Variants in ABTB1 observed in about 807,000 individuals in gnomAD.
The protein encoded by ABTB1 is ankyrin repeat and BTB/POZ domain-containing protein 1.
Under a neutral mutation model 57.1 loss-of-function variants are expected in ABTB1, and 45 were observed. The ratio of observed to expected loss-of-function variants is 0.79; its 90% CI spans 0.62 to 1.01. The LOEUF is 1.01. Ranked by LOEUF, ABTB1 falls within the 50% of genes least tolerant of loss-of-function variation. ABTB1 has a pLI of 0.00. For missense variants in ABTB1, 630 were observed against 666.3 expected (o/e 0.95, Z 0.60); for synonymous variants, 302 against 275.4 (o/e 1.10, Z -0.95).
intron 8 of ABTB1, 80 bp from the exon 9 acceptor site, chr3:127,677,385 C>A: frequency 6.4e-7 from 1 of 1,570,932 alleles, no homozygotes; most frequent in Non-Finnish European, 8.7e-7. Flanking sequence ...GGTCCTGGAC[C>A]AGTTACTTCC....
Position 127,674,581 on chromosome 3 carries a change from A to T in ABTB1, c.156A>T (p.Val52=). 3 of 1,613,898 alleles carry T rather than the reference A, an allele frequency of 1.9e-6. No individual in the cohort carries two copies. Among genetic ancestry groups the T allele is most frequent in the Non-Finnish European group, 2.5e-6 (3 of 1,179,966 alleles). ...GCTTGTGTGGGCACGAGGAGCTGGTACTCTACCTTCTGGCCAATGGTGAGA... is the reference window on the plus strand; with the variant it reads ...GCTTGTGTGGGCACGAGGAGCTGGTTCTCTACCTTCTGGCCAATGGTGAGA... ...YACLCGHEEL[V]LYLLANGARC... Residue 52 remains valine, a synonymous_variant, in exon 3 of 12, where the codon GTA becomes GTT. Transcript: ENST00000232744.
rs1162201991 is a variant in ABTB1 at position 127,676,204 on chromosome 3, T to C, written c.321-68T>C. The C allele has an allele frequency of 1.9e-6, 3 of 1,605,198 alleles. No individual in the cohort carries two copies. The highest frequency in any genetic ancestry group is 2.6e-6 in the Non-Finnish European group (3 of 1,173,790). ...GCTCTGACTGTGGCCTGCACTGGGT[T>C]CTGAGTGCTCCGAGGAATGGGGTGG... On this transcript the variant is annotated intron_variant, in intron 4 of 11. Transcript: ENST00000232744. This position sits in a 1 kb window ranked among gnomAD's most constrained non-coding sequence, Gnocchi z 5.4.
At chr3:127,679,680 G>A (rs915970227) in intron 10 of ABTB1, 2 of 550,260 alleles carry the variant, frequency 3.6e-6, no homozygotes, top group African/African-American at 3.7e-5. Flanking sequence ...TCAGACCCAG[G>A]TCTGTATAAC....
At chr3:127,673,336 C>A (rs975077903) in intron 1 of ABTB1, 35 of 311,450 alleles carry the variant, frequency 1.1e-4, no homozygotes, top group Admixed American at 2.6e-4. Context: ...AGCGGAGGCC[C>A]GAAGGCGCAG....
intron 1 of ABTB1, chr3:127,674,159 G>C (rs2074919792): frequency 1.8e-6 from 1 of 566,830 alleles, no homozygotes. Context: ...GTAGCCCATC[G>C]TCCCCCAGCA....
chr3:127,674,677 G>C (rs62264122), intron 3 of ABTB1, 77 bp downstream of exon 3: 1 of 1,533,484 alleles, frequency 6.5e-7, no homozygotes, highest in Non-Finnish European at 9.0e-7. Context: ...ATGCGTGCGT[G>C]CATTCAAAGG....
rs1310757522 is a variant in ABTB1 at position 127,677,672 on chromosome 3, C to A, written c.862-4C>A. On this transcript the variant is annotated splice_region_variant and splice_polypyrimidine_tract_variant and intron_variant, in intron 9 of 11. Transcript: ENST00000232744. Reference sequence around the variant, plus strand: ...TCACACTTCCTGAGCCCGGCCTCCCCCAGGCCTTTTTCTGTGGCCGCAGTG... The same window carrying A: ...TCACACTTCCTGAGCCCGGCCTCCCACAGGCCTTTTTCTGTGGCCGCAGTG... 1.9e-6 allele frequency: 3 copies of A among 1,611,352 alleles called. No individual in the cohort carries two copies. In the South Asian group the frequency reaches 3.3e-5, roughly 18 times the overall value.
chr3:127,672,982 T>C lies in ABTB1; in HGVS notation c.-44T>C. On this transcript the variant is annotated 5_prime_UTR_variant, in exon 1 of 12. Transcript: ENST00000232744. ...TGTTTACATCCGCCGGGTGCGCGGC[T>C]TCGCCGCCCGAGGTCGTTCGGCTCG... The C allele has an allele frequency of 6.6e-7, 1 of 1,523,414 alleles. No homozygotes were observed. Among genetic ancestry groups the C allele is most frequent in the Non-Finnish European group, 8.8e-7 (1 of 1,132,350 alleles). The allele number at this position is 1,523,414 out of a possible 1,614,324, so 94.4% of individuals were successfully genotyped here. A position where few individuals can be genotyped will look rare whatever the true frequency, so the allele number is the denominator to read the frequency against.
At chr3:127,674,317 G>T in intron 1 of ABTB1, 74 bp from the exon 2 acceptor site, 1 of 1,550,036 alleles carries the variant, frequency 6.5e-7, no homozygotes, top group Non-Finnish European at 8.7e-7. Flanking sequence ...TTTTCTCTCC[G>T]TTCCTTTCCA....
In ABTB1 at chr3:127,676,333, G is replaced by T; in HGVS notation, c.382G>T (p.Val128Leu). ...TGTAGTACACGGGAAGCCATTCCGG[G>T]TGCATCGCTGCGTCCTGGGTGCACG... is the stretch of plus-strand genomic sequence containing the variant. ...VFVVHGKPFR[V>L]HRCVLGARSA... The change falls in exon 5 of 12, where the codon GTG becomes TTG. Residue 128 changes from valine to leucine, a missense_variant. Coordinates refer to ENST00000232744, the MANE Select transcript of ABTB1 (RefSeq NM_172027.3). This position sits in a 1 kb window ranked among gnomAD's most constrained non-coding sequence, Gnocchi z 5.4. 1.2e-6 allele frequency: 2 copies of T among 1,614,146 alleles called. No homozygotes were observed. Among genetic ancestry groups the T allele is most frequent in the African/African-American group, 1.3e-5 (1 of 75,050 alleles).
chr3:127,677,636 G>C (rs769924757), intron 9 of ABTB1, 40 bp from the exon 10 acceptor site: 1 of 1,612,638 alleles, frequency 6.2e-7, no homozygotes, highest in Admixed American at 1.7e-5. Flanking sequence ...TCAGGAGACA[G>C]ACCCTGGCCC....
Position 127,680,886 on chromosome 3 carries a change from T to G in ABTB1, c.*411T>G. 1 of 528,974 alleles carries G rather than the reference T, an allele frequency of 1.9e-6. No homozygotes were observed. Among genetic ancestry groups the G allele is most frequent in the Non-Finnish European group, 3.3e-6 (1 of 301,388 alleles). 32.8% of individuals were successfully genotyped at this position (528,974 alleles called of 1,614,324 possible). A position where few individuals can be genotyped will look rare whatever the true frequency, so the allele number is the denominator to read the frequency against. On this transcript the variant is annotated 3_prime_UTR_variant, in exon 12 of 12. Coordinates refer to ENST00000232744, the MANE Select transcript of ABTB1 (RefSeq NM_172027.3). ...GGCCATTCAGGAAGGGCTGGGGGAG[T>G]GTGTGTGGCAATAAAGCTTGAAGGC... is the stretch of plus-strand genomic sequence containing the variant.
Position 127,674,139 on chromosome 3 carries a change from T to C in ABTB1, c.57-252T>C. The C allele has an allele frequency of 5.5e-6, 3 of 541,676 alleles. No homozygotes were observed. The South Asian group carries it at 6.0e-5, about 11-fold the overall frequency. 33.6% of individuals were successfully genotyped at this position (541,676 alleles called of 1,614,324 possible). A position where few individuals can be genotyped will look rare whatever the true frequency, so the allele number is the denominator to read the frequency against. On this transcript the variant is annotated intron_variant, in intron 1 of 11. Transcript: ENST00000232744. ...GTCCAGCCTCGGCACTGGCTCTGGC[T>C]TCTGTCCCTGTAGCCCATCGTCCCC... is the stretch of plus-strand genomic sequence containing the variant.
rs762416858 is a variant in ABTB1, at chr3:127,677,851, C to A, written c.1029+8C>A. The A allele has an allele frequency of 6.2e-7, 1 of 1,610,220 alleles. No individual in the cohort carries two copies. Among genetic ancestry groups the A allele is most frequent in the Non-Finnish European group, 8.5e-7 (1 of 1,179,096 alleles). ...TACAGCGACCACACTGAGGTGGGGG[C>A]TCAGGCAGAGCTGGGGATGGCACAC... On this transcript the variant is annotated splice_region_variant and intron_variant, in intron 10 of 11. Transcript: ENST00000232744.
intron 3 of ABTB1, 26 bp downstream of exon 3, chr3:127,674,626 G>GGTGTGCGTGGGTGCATGCAT (rs749841270): frequency 2.5e-6 from 4 of 1,613,898 alleles, no homozygotes; most frequent in Non-Finnish European, 3.4e-6. Flanking sequence ...CCGGCTCACG[G>GGTGTGCGTGGGTGCATGCAT]GTGTGCGTGG....
rs577099139 is a variant in ABTB1 at position 127,676,317 on chromosome 3, C to T, written c.366C>T (p.His122=). 20 of 1,614,060 alleles carry T rather than the reference C, an allele frequency of 1.2e-5. No individual in the cohort carries two copies. Among genetic ancestry groups the T allele is most frequent in the African/African-American group, 4.0e-5 (3 of 75,030 alleles). Residue 122 remains histidine (H), a synonymous_variant, in exon 5 of 12, where the codon CAC becomes CAT. Transcript: ENST00000232744. This position sits in a 1 kb window ranked among gnomAD's most constrained non-coding sequence, Gnocchi z 5.4. ...GIHSDVVFVV[H]GKPFRVHRCV... is the part of the protein sequence containing the mutation. ...ACAGTGACGTGGTCTTTGTAGTACA[C>T]GGGAAGCCATTCCGGGTGCATCGCT...
In ABTB1 at chr3:127,674,500, C is replaced by G. The variant is rs1402914136; in HGVS notation, c.120-45C>G. On this transcript the variant is annotated intron_variant, in intron 2 of 11. Transcript: ENST00000232744. The stretch of plus-strand genomic sequence containing the variant: ...GGGGAGGGTGGGGGTTGGTGCACCC[C>G]TTCAGCACTGAGGACTGCCTCCTGT... The G allele has an allele frequency of 2.5e-6, 4 of 1,614,062 alleles. No homozygotes were observed. In the African/African-American group the frequency reaches 5.3e-5, roughly 22 times the overall value.
chr3:127,677,811 G>A lies in ABTB1; in HGVS notation c.997G>A (p.Val333Met), dbSNP rs770731601. 2.0e-5 allele frequency: 33 copies of A among 1,612,446 alleles called. No homozygotes were observed. The highest frequency in any genetic ancestry group is 2.4e-5 in the Non-Finnish European group (28 of 1,179,716). The change falls in exon 10 of 12, where the codon GTG (valine) becomes ATG (methionine). Residue 333 changes from valine (V) to methionine (M), a missense_variant. Val to Met is a conservative substitution (Grantham distance 21). Around this residue, in one of 3 missense-constraint regions of ABTB1, gnomAD observed 579 missense variants for 585.9 expected, o/e 0.99. Coordinates refer to ENST00000232744, the MANE Select transcript of ABTB1 (RefSeq NM_172027.3). ...HGISPDVFTH[V>M]LYYMYSDHTE... ...CATCTCACCCGACGTCTTCACTCAC[G>A]TGCTCTACTACATGTACAGCGACCA...
chr3:127,679,858 G>T, intron 10 of ABTB1, 127 bp from the exon 11 acceptor site: 1 of 843,140 alleles, frequency 1.2e-6, no homozygotes, highest in Non-Finnish European at 1.9e-6. Flanking sequence ...TGCGCAGGGA[G>T]CTCCTACTCC....
Sources: allele counts gnomAD v4.1 joint callset, GRCh38; gene constraint gnomAD v4.1.1; regional missense constraint gnomAD v4.1.1; non-coding constraint Gnocchi (gnomAD v3.1); transcripts MANE v1.5; gene names NCBI Gene and HGNC (gene_info 2026-07-23, HGNC 2026-07-21).